The following CPA6 variants were observed in gnomAD, a reference collection of about 807,000 sequenced individuals.
CPA6 encodes the protein carboxypeptidase B.
CPA6 carries 58 observed loss-of-function variants against 63.3 expected under a neutral mutation model. The observed-to-expected ratio is 0.92, with a 90% CI of 0.74 to 1.14. The LOEUF is 1.14. Among genes scored for constraint, CPA6 ranks in the 50% most tolerant of loss-of-function variants. The pLI is 0.00. For synonymous variants in CPA6, 185 were observed against 179.0 expected, an observed-to-expected ratio of 1.03 and a Z score of -0.27; for missense variants, 565 against 526.6, an observed-to-expected ratio of 1.07 and a Z score of -0.71.
chr8:67,632,735 T>G (rs1353619501), intron 1 of CPA6, among the ~76,000 whole-genome samples: 1 of 152,172 alleles, frequency 6.6e-6, no homozygotes, highest in Non-Finnish European at 1.5e-5. Context: ...AGCAGTGAGA[T>G]GTATTTTGGG....
intron 8 of CPA6, among the ~76,000 whole-genome samples, chr8:67,481,665 A>T (rs751850902): frequency 6.6e-6 from 1 of 152,216 alleles, no homozygotes; most frequent in Non-Finnish European, 1.5e-5. Flanking sequence ...TGGTCTGGGC[A>T]TTTCTACGTC....
chr8:67,536,677 A>G (rs1392392413), intron 2 of CPA6, among the ~76,000 whole-genome samples: 1 of 152,172 alleles, frequency 6.6e-6, no homozygotes, highest in Non-Finnish European at 1.5e-5. Context: ...TCCTATTTGA[A>G]TACCATTTAT....
At chr8:67,547,824 A>T (rs181818187) in intron 2 of CPA6, among the ~76,000 whole-genome samples, 1 of 152,312 alleles carries the variant, frequency 6.6e-6, no homozygotes, top group Non-Finnish European at 1.5e-5. Flanking sequence ...CATGGTCTTT[A>T]AAAGTAGAAT....
chr8:67,742,981 A>G (rs1345494323), intron 1 of CPA6, among the ~76,000 whole-genome samples: 1 of 151,860 alleles, frequency 6.6e-6, no homozygotes, highest in Non-Finnish European at 1.5e-5. Context: ...TTTTGGTTTC[A>G]ATATCACAGC....
At chr8:67,573,890 T>TA (rs1813553281) in intron 2 of CPA6, among the ~76,000 whole-genome samples, 1 of 13,002 alleles carries the variant, frequency 7.7e-5, no homozygotes, top group Non-Finnish European at 1.2e-4. Flanking sequence ...AGACTCCGTC[T>TA]CAAAAAAAAA....
intron 1 of CPA6, among the ~76,000 whole-genome samples, chr8:67,732,856 G>A (rs894043577): frequency 3.3e-5 from 5 of 152,132 alleles, no homozygotes; most frequent in African/African-American, 9.6e-5. Flanking sequence ...CGACCCCCAG[G>A]CTCCAGCCAT....
chr8:67,548,622 A>G (rs1201308531), intron 2 of CPA6, among the ~76,000 whole-genome samples: 1 of 152,246 alleles, frequency 6.6e-6, no homozygotes, highest in Non-Finnish European at 1.5e-5. Context: ...ATGATATGTG[A>G]TTAAAATTAT....
intron 1 of CPA6, among the ~76,000 whole-genome samples, chr8:67,720,595 G>C (rs1182680020): frequency 6.6e-6 from 1 of 152,098 alleles, no homozygotes; most frequent in African/African-American, 2.4e-5. Context: ...GGAGTAAAAG[G>C]AGAAGTGGTC....
intron 8 of CPA6, among the ~76,000 whole-genome samples, chr8:67,443,991 G>GT (rs773274256): frequency 0.25 from 35,289 of 141,926 alleles, 4,651 homozygotes; most frequent in African/African-American, 0.35. Context: ...GACATCCGTA[G>GT]TTTTTTTTTT....
rs1322067600 is a variant in CPA6, at chr8:67,746,133, G to A, written c.-4C>T. 1 of 1,607,306 alleles carries A rather than the reference G, an allele frequency of 6.2e-7. No individual in the cohort carries two copies. The highest frequency in any genetic ancestry group is 8.5e-7 in the Non-Finnish European group (1 of 1,175,414). The stretch of plus-strand genomic sequence containing the variant: ...TGCGCTTCCCGAGACACTTCATAGT[G>A]TTAAGAAGAGAGGAGTTGAAAGTTA... On this transcript the variant is annotated 5_prime_UTR_variant, in exon 1 of 11. Transcript: ENST00000297770.
intron 10 of CPA6, among the ~76,000 whole-genome samples, chr8:67,424,194 A>G (rs192909792): frequency 6.6e-6 from 1 of 152,210 alleles, no homozygotes; most frequent in Non-Finnish European, 1.5e-5. Flanking sequence ...GTGATTCTAC[A>G]TTATGGTGAA....
chr8:67,499,099 T>TACCA (rs1333945442), intron 6 of CPA6, among the ~76,000 whole-genome samples: 3 of 152,238 alleles, frequency 2.0e-5, no homozygotes, highest in East Asian at 1.9e-4. Flanking sequence ...AGTTTGCTTC[T>TACCA]GTATCACTGT....
chr8:67,434,151 G>C lies in CPA6; in HGVS notation c.928C>G (p.Leu310Val). 6.2e-7 allele frequency: 1 copy of C among 1,614,160 alleles called. No individual in the cohort carries two copies. The highest frequency in any genetic ancestry group is 8.5e-7 in the Non-Finnish European group (1 of 1,180,032). Residue 310 changes from leucine to valine, a missense_variant, in exon 9 of 11, where the codon CTT becomes GTT. Physicochemically the swap from Leu to Val is conservative, Grantham distance 32. Coordinates refer to ENST00000297770, the MANE Select transcript of CPA6 (RefSeq NM_020361.5). Reference sequence around the variant, plus strand: ...CTAATGTGCTTTCTGTGTTTTCGAAGGAAGTTAGCTACAGCCTTCACTTCC... The same window carrying C: ...CTAATGTGCTTTCTGTGTTTTCGAACGAAGTTAGCTACAGCCTTCACTTCC... ...EPEVKAVANF[L>V]RKHRKHIRAY...
intron 1 of CPA6, among the ~76,000 whole-genome samples, chr8:67,710,747 C>G (rs1817242877): frequency 1.3e-5 from 2 of 150,070 alleles, no homozygotes; most frequent in Non-Finnish European, 3.0e-5. Flanking sequence ...TCTGTTTAGT[C>G]TGTTGGGGGG....
chr8:67,624,109 A>G (rs1216367904), intron 2 of CPA6, 67 bp downstream of exon 2: 7 of 907,556 alleles, frequency 7.7e-6, no homozygotes, highest in South Asian at 7.4e-5. Flanking sequence ...ATTCAACTCC[A>G]GTCAGCAAAT....
intron 1 of CPA6, among the ~76,000 whole-genome samples, chr8:67,677,502 A>G (rs1816502337): frequency 1.3e-5 from 2 of 152,270 alleles, no homozygotes; most frequent in South Asian, 2.1e-4. Flanking sequence ...TCAGCCATCA[A>G]TAACAAAACT....
chr8:67,635,250 A>G (rs1231331690), intron 1 of CPA6, among the ~76,000 whole-genome samples: 5 of 151,374 alleles, frequency 3.3e-5, no homozygotes, highest in Non-Finnish European at 7.3e-5. Context: ...ACCACAAAAA[A>G]CATGACACAA....
At chr8:67,518,121 AT>A (rs1198159954) in intron 2 of CPA6, 74 bp from the exon 3 acceptor site, 1 of 1,401,810 alleles carries the variant, frequency 7.1e-7, no homozygotes, top group African/African-American at 1.4e-5. Flanking sequence ...TGTCAAACAC[AT>A]TCTTTTGTTT....
At position 67,624,159 on chromosome 8, in the gene CPA6, T is replaced by A; in HGVS notation, c.192+17A>T. On this transcript the variant is annotated intron_variant, in intron 2 of 10. Coordinates refer to ENST00000297770, the MANE Select transcript of CPA6 (RefSeq NM_020361.5). ...CACAAGCACAATTCTACCATAAGTG[T>A]GTAGATGTTCTATTACCTTAAGTTG... 1 of 1,407,970 alleles carries A rather than the reference T, an allele frequency of 7.1e-7. No homozygotes were observed. Among genetic ancestry groups the A allele is most frequent in the African/African-American group, 1.4e-5 (1 of 70,646 alleles). The allele number at this position is 1,407,970 out of a possible 1,614,324, so 87.2% of individuals were successfully genotyped here.
Sources: allele counts gnomAD v4.1 joint callset (sites outside exome capture counted in the v4.1 genomes callset), GRCh38; gene constraint gnomAD v4.1.1; transcripts MANE v1.5; gene names NCBI Gene and HGNC (gene_info 2026-07-23, HGNC 2026-07-21).